Variants in LIMD1 observed in about 807,000 individuals in gnomAD.
LIMD1 encodes the protein LIM domain containing 1.
A neutral mutation model predicts 58.4 loss-of-function variants in LIMD1; 23 were observed. The observed-to-expected ratio is 0.39, with a 90% CI of 0.28 to 0.56. The LOEUF (loss-of-function observed/expected upper bound fraction) is 0.56, where lower values mean the gene tolerates loss of function less well. Ranked by LOEUF, LIMD1 falls within the 20% of genes least tolerant of loss-of-function variation. The pLI, the probability that LIMD1 is intolerant of heterozygous loss-of-function variation, is 0.57. For missense variants in LIMD1, 838 were observed against 855.5 expected (o/e 0.98, Z 0.25); for synonymous variants, 334 against 345.5 (o/e 0.97, Z 0.37).
chr3:45,625,621 A>C (rs773471829), intron 1 of LIMD1, among the ~76,000 whole-genome samples: 1 of 151,960 alleles, frequency 6.6e-6, no homozygotes, highest in Non-Finnish European at 1.5e-5. Flanking sequence ...GACCTTTAAG[A>C]GGTGATTAGG....
intron 2 of LIMD1, among the ~76,000 whole-genome samples, chr3:45,644,186 T>C (rs574812057): frequency 6.6e-6 from 1 of 152,166 alleles, no homozygotes; most frequent in African/African-American, 2.4e-5. Context: ...GGAACAGAGG[T>C]TCTTAGCGAA....
rs747647535 is a variant in LIMD1 at position 45,672,794 on chromosome 3, G to A, written c.1746G>A (p.Lys582=). 4 of 1,613,992 alleles carry A rather than the reference G, an allele frequency of 2.5e-6. No individual in the cohort carries two copies. The East Asian group carries it at 8.9e-5, about 36-fold the overall frequency. Residue 582 remains lysine, a synonymous_variant, in exon 5 of 8, where the codon AAG becomes AAA. Coordinates refer to ENST00000273317, the MANE Select transcript of LIMD1 (RefSeq NM_014240.3). ...GVPFTVDSEN[K]IYCVRDYHKV... Reference sequence around the variant, plus strand: ...CCTTCACCGTGGACTCAGAGAACAAGATCTACTGTGTCCGAGATTACCACA... The same window carrying A: ...CCTTCACCGTGGACTCAGAGAACAAAATCTACTGTGTCCGAGATTACCACA...
At chr3:45,627,879 A>T (rs1032760045) in intron 1 of LIMD1, among the ~76,000 whole-genome samples, 36 of 151,826 alleles carry the variant, frequency 2.4e-4, no homozygotes, top group Admixed American at 1.6e-3. Context: ...ATGGTGTTGC[A>T]CGCCTGTAGT....
chr3:45,677,420 A>G lies in LIMD1; in HGVS notation c.*361A>G, dbSNP rs1309316946. Reference sequence around the variant, plus strand: ...AGGTTTTTATTGAGCTTGTTTCACAATATCCCCTTGAAGGGACAGCTCAGC... The same window carrying G: ...AGGTTTTTATTGAGCTTGTTTCACAGTATCCCCTTGAAGGGACAGCTCAGC... On this transcript the variant is annotated 3_prime_UTR_variant, in exon 8 of 8. Transcript: ENST00000273317. 1 of 196,630 alleles carries G rather than the reference A, an allele frequency of 5.1e-6. No individual in the cohort carries two copies. The allele number at this position is 196,630 out of a possible 1,614,324, so 12.2% of individuals were successfully genotyped here.
chr3:45,616,204 C>T (rs927648006), intron 1 of LIMD1, among the ~76,000 whole-genome samples: 19 of 152,172 alleles, frequency 1.2e-4, no homozygotes, highest in African/African-American at 4.6e-4. Flanking sequence ...GAATTGAGAA[C>T]TGGGCCCCCT....
chr3:45,644,559 T>C (rs1427841078), intron 2 of LIMD1, among the ~76,000 whole-genome samples: 1 of 152,208 alleles, frequency 6.6e-6, no homozygotes, highest in Admixed American at 6.5e-5. Flanking sequence ...TTCAGGGAGT[T>C]CAACGTTCAT....
intron 1 of LIMD1, among the ~76,000 whole-genome samples, chr3:45,620,927 T>C (rs1701623486): frequency 1.3e-5 from 2 of 152,228 alleles, no homozygotes; most frequent in South Asian, 2.1e-4. Flanking sequence ...CTATTCTGCA[T>C]GTTGACATCA....
intron 1 of LIMD1, among the ~76,000 whole-genome samples, chr3:45,600,061 C>T (rs113312713): frequency 3.8e-3 from 573 of 152,352 alleles, no homozygotes; most frequent in Non-Finnish European, 6.5e-3. Context: ...CCCACAGATA[C>T]TTTTTCCTCC....
At position 45,594,904 on chromosome 3, in the gene LIMD1, C is replaced by T. The variant is rs1701326459; in HGVS notation, c.25C>T (p.Leu9=). Residue 9 remains leucine, a synonymous_variant, in exon 1 of 8, where the codon CTG becomes TTG. Coordinates refer to ENST00000273317, the MANE Select transcript of LIMD1 (RefSeq NM_014240.3). ...CATGGATAAGTATGACGACCTGGGC[C>T]TGGAGGCCAGTAAATTCATCGAGGA... is the stretch of plus-strand genomic sequence containing the variant. MDKYDDLG[L]EASKFIEDLN... 8 of 1,611,168 alleles carry T rather than the reference C, an allele frequency of 5.0e-6. No individual in the cohort carries two copies. The highest frequency in any genetic ancestry group is 5.9e-6 in the Non-Finnish European group (7 of 1,179,444).
At chr3:45,623,368 G>T (rs761754411) in intron 1 of LIMD1, among the ~76,000 whole-genome samples, 1 of 152,168 alleles carries the variant, frequency 6.6e-6, no homozygotes, top group African/African-American at 2.4e-5. Flanking sequence ...TGGGGTGCAG[G>T]ACTTGCTCAG....
chr3:45,664,824 G>C (rs1260198303), intron 2 of LIMD1, among the ~76,000 whole-genome samples: 4 of 152,196 alleles, frequency 2.6e-5, no homozygotes, highest in Non-Finnish European at 4.4e-5. Context: ...AAAGGGCTTG[G>C]TTTAACTTTT....
At position 45,676,941 on chromosome 3, in the gene LIMD1, A is replaced by G. The variant is rs140945464; in HGVS notation, c.1913A>G (p.Asn638Ser). The G allele has an allele frequency of 3.7e-4, 592 of 1,614,138 alleles. No individual in the cohort carries two copies. The highest frequency in any genetic ancestry group is 4.9e-4 in the Middle Eastern group (3 of 6,062). ...YHCEDCGLEL[N>S]DEDGHRCYPL... ...CCACAGGACTGTGGTCTGGAGCTCA[A>G]TGATGAAGATGGCCACCGCTGTTAT... Residue 638 changes from asparagine to serine, a missense_variant, in exon 8 of 8, where the codon AAT becomes AGT. Asn to Ser is a conservative substitution (Grantham distance 46). Transcript: ENST00000273317.
intron 7 of LIMD1, among the ~76,000 whole-genome samples, chr3:45,675,962 A>G (rs187406925): frequency 6.6e-6 from 1 of 152,120 alleles, no homozygotes; most frequent in Non-Finnish European, 1.5e-5. Flanking sequence ...TTAAAAAAGT[A>G]AAAAATCCTG....
chr3:45,607,888 G>T (rs1158369669), intron 1 of LIMD1, among the ~76,000 whole-genome samples: 1 of 152,232 alleles, frequency 6.6e-6, no homozygotes, highest in African/African-American at 2.4e-5. Flanking sequence ...TCAGCAGGGT[G>T]GAACCAAGTT....
intron 1 of LIMD1, among the ~76,000 whole-genome samples, chr3:45,614,138 A>G (rs184773784): frequency 1.8e-3 from 278 of 152,212 alleles, no homozygotes; most frequent in African/African-American, 6.5e-3. Context: ...ATGGGCTGTG[A>G]GCCCATCACT....
chr3:45,677,159 A>T lies in LIMD1; in HGVS notation c.*100A>T. 1.5e-6 allele frequency: 2 copies of T among 1,353,218 alleles called. No individual in the cohort carries two copies. Among genetic ancestry groups the T allele is most frequent in the Non-Finnish European group, 2.0e-6 (2 of 976,846 alleles). 83.8% of individuals were successfully genotyped at this position (1,353,218 alleles called of 1,614,324 possible). On this transcript the variant is annotated 3_prime_UTR_variant, in exon 8 of 8. Coordinates refer to ENST00000273317, the MANE Select transcript of LIMD1 (RefSeq NM_014240.3). ...GGTGGAAGTGGGGTAGGGGAAGAGGAGGGGCAGGAGGGAGAGTTCCTGTGA... is the reference window on the plus strand; with the variant it reads ...GGTGGAAGTGGGGTAGGGGAAGAGGTGGGGCAGGAGGGAGAGTTCCTGTGA...
chr3:45,661,014 G>A (rs769685591), intron 2 of LIMD1, among the ~76,000 whole-genome samples: 24 of 152,074 alleles, frequency 1.6e-4, no homozygotes, highest in Admixed American at 6.6e-4. Flanking sequence ...AAAATACTGC[G>A]AACGTTCAAG....
rs774749933 is a variant in LIMD1, at chr3:45,679,664, A to G, written c.*2605A>G. On this transcript the variant is annotated 3_prime_UTR_variant, in exon 8 of 8. Coordinates refer to ENST00000273317, the MANE Select transcript of LIMD1 (RefSeq NM_014240.3). The stretch of plus-strand genomic sequence containing the variant: ...AGCCTCCATCTTAGGCCTTTGCCTC[A>G]TTGTGCCTTTTAGGTTTTCTTACCC... 1.3e-5 allele frequency: 2 copies of G among 152,128 alleles called. No individual in the cohort carries two copies. Among genetic ancestry groups the G allele is most frequent in the African/African-American group, 2.4e-5 (1 of 41,420 alleles). The allele number at this position is 152,128 out of a possible 1,614,324, so 9.4% of individuals were successfully genotyped here.
intron 7 of LIMD1, among the ~76,000 whole-genome samples, chr3:45,675,865 G>GATGTGTTGGC (rs1249670645): frequency 6.6e-6 from 1 of 152,096 alleles, no homozygotes; most frequent in African/African-American, 2.4e-5. Flanking sequence ...AAATTAGCCA[G>GATGTGTTGGC]GCATGCTGTG....
Sources: allele counts gnomAD v4.1 joint callset (sites outside exome capture counted in the v4.1 genomes callset), GRCh38; gene constraint gnomAD v4.1.1; transcripts MANE v1.5; gene names NCBI Gene and HGNC (gene_info 2026-07-23, HGNC 2026-07-21).